The following KANSL1L variants were observed in gnomAD, a reference collection of about 807,000 sequenced individuals.
KANSL1L encodes KAT8 regulatory NSL complex subunit 1 like, also known as KAT8 regulatory NSL complex subunit 1-like protein.
Under a neutral mutation model 108.6 loss-of-function variants are expected in KANSL1L, and 25 were observed. The observed-to-expected ratio is 0.23, with a 90% confidence interval of 0.17 to 0.32. KANSL1L has a LOEUF of 0.32. KANSL1L is among the 10% of genes least tolerant of loss of function. The probability of loss-of-function intolerance (pLI) is 1.00; values close to 1 mark genes in which losing one functional copy is unlikely to be tolerated. For synonymous variants in KANSL1L, 405 were observed against 395.1 expected, an observed-to-expected ratio of 1.03 and a Z score of -0.30; for missense variants, 1,137 against 1,125.7, an observed-to-expected ratio of 1.01 and a Z score of -0.14.
chr2:210,153,869 A>T lies in KANSL1L; in HGVS notation c.714T>A (p.Ala238=). 6.2e-7 allele frequency: 1 copy of T among 1,612,950 alleles called. No individual in the cohort carries two copies. Among genetic ancestry groups the T allele is most frequent in the East Asian group, 2.2e-5 (1 of 44,882 alleles). ...TCTGCAAATGTTTCTGAGTTCTTCT[A>T]GCCTGGCTAAGTAAAATTTTCTGTT... ...VSKQKILLSQ[A]RRTQKHLQML... is the part of the protein sequence containing the mutation. Residue 238 remains alanine, a synonymous_variant, in exon 2 of 15, where the codon GCT becomes GCA. Coordinates refer to ENST00000281772, the MANE Select transcript of KANSL1L (RefSeq NM_152519.4).
intron 8 of KANSL1L, among the ~76,000 whole-genome samples, chr2:210,039,059 T>TATCA (rs2094137671): frequency 6.6e-6 from 1 of 151,934 alleles, no homozygotes; most frequent in African/African-American, 2.4e-5. Context: ...ATCTGCCTTC[T>TATCA]ATCAGAACCA....
rs989535781 is a variant in KANSL1L, at chr2:210,028,499, C to A, written c.2396+346G>T. 6.9e-5 allele frequency: 11 copies of A among 158,296 alleles called. No homozygotes were observed. The East Asian group carries it at 1.7e-3, about 24-fold the overall frequency. The allele number at this position is 158,296 out of a possible 1,614,324, so 9.8% of individuals were successfully genotyped here. On this transcript the variant is annotated intron_variant, in intron 11 of 14. Transcript: ENST00000281772. Reference sequence around the variant, plus strand: ...GAACTCTTTGCAACTTATGTCACACCTGTATCTTCAAGGGCAAGGATTATT... The same window carrying A: ...GAACTCTTTGCAACTTATGTCACACATGTATCTTCAAGGGCAAGGATTATT...
chr2:210,150,509 G>A (rs2095295123), intron 2 of KANSL1L, among the ~76,000 whole-genome samples: 1 of 152,112 alleles, frequency 6.6e-6, no homozygotes, highest in Admixed American at 6.5e-5. Context: ...TTGGCTGGGT[G>A]CGGTGGCTCA....
In KANSL1L at chr2:210,153,549, T is replaced by C. The variant is rs1404993466; in HGVS notation, c.1034A>G (p.Asp345Gly). 1 of 1,614,016 alleles carries C rather than the reference T, an allele frequency of 6.2e-7. No homozygotes were observed. The highest frequency in any genetic ancestry group is 8.5e-7 in the Non-Finnish European group (1 of 1,180,028). ...ATCCAAATCGTCATCAGAGCTGCTA[T>C]CAGTTGCATCGGAATCCAAACCCTC... ...VEEGLDSDAT[D>G]SSSDDDLDEY... The change falls in exon 2 of 15, where the codon GAT (aspartate) becomes GGT (glycine). Residue 345 changes from aspartate to glycine, a missense_variant. This residue lies in a region of KANSL1L where 556 missense variants were observed against 537.7 expected (regional missense o/e 1.03). Transcript: ENST00000281772.
intron 6 of KANSL1L, among the ~76,000 whole-genome samples, chr2:210,046,798 G>A (rs908746590): frequency 5.3e-5 from 8 of 152,178 alleles, no homozygotes; most frequent in African/African-American, 1.9e-4. Context: ...CATAGCCTAA[G>A]CCATGGCTCC....
chr2:210,079,700 G>GTGTATA (rs1270568741), intron 5 of KANSL1L: 1 of 75,774 alleles, frequency 1.3e-5, no homozygotes, highest in African/African-American at 6.6e-5. Context: ...ATGTATGTGT[G>GTGTATA]TATATATATA....
intron 2 of KANSL1L, among the ~76,000 whole-genome samples, chr2:210,139,248 T>C (rs1161763629): frequency 6.6e-6 from 1 of 152,202 alleles, no homozygotes; most frequent in Non-Finnish European, 1.5e-5. Flanking sequence ...GCTGACCATC[T>C]CCAGAACTTA....
chr2:210,170,527 C>T, intron 1 of KANSL1L: 1 of 242,890 alleles, frequency 4.1e-6, no homozygotes, highest in Non-Finnish European at 6.6e-6. Context: ...CTTTTTCCAG[C>T]AAGACCGGTC....
At chr2:210,141,188 C>G (rs1443862066) in intron 2 of KANSL1L, among the ~76,000 whole-genome samples, 1 of 148,976 alleles carries the variant, frequency 6.7e-6, no homozygotes, top group Non-Finnish European at 1.5e-5. Context: ...CTTTCTCTCC[C>G]TTTCTCTTTT....
rs375208667 is a variant in KANSL1L at position 210,131,740 on chromosome 2, T to C, written c.1089-2568A>G. ...TTTTTTTTTTAGTTTTGCTGTGTCG[T>C]CCAGGCTGGAGTGCAGCGGTGCGAT... On this transcript the variant is annotated intron_variant, in intron 2 of 14. Transcript: ENST00000281772. 6.6e-5 allele frequency among the ~76,000 whole-genome samples: 10 copies of C among 151,522 alleles called. No homozygotes were observed. The East Asian group carries it at 1.7e-3, about 26-fold the overall frequency.
At chr2:210,079,458 TG>T (rs2094565611) in intron 5 of KANSL1L, among the ~76,000 whole-genome samples, 1 of 150,518 alleles carries the variant, frequency 6.6e-6, no homozygotes, top group South Asian at 2.1e-4. Flanking sequence ...TAGCTGGCCC[TG>T]GTGGCCCATA....
At chr2:210,085,601 G>A (rs2094629893) in intron 5 of KANSL1L, among the ~76,000 whole-genome samples, 1 of 151,922 alleles carries the variant, frequency 6.6e-6, no homozygotes, top group African/African-American at 2.4e-5. Flanking sequence ...TTGAATAAAA[G>A]CTGAAATATT....
At chr2:210,104,391 C>T (rs1434921431) in intron 3 of KANSL1L, 90 bp from the exon 4 acceptor site, 37 of 863,660 alleles carry the variant, frequency 4.3e-5, no homozygotes, top group Non-Finnish European at 6.5e-5. Context: ...TCTATGCTTC[C>T]ACTTATCTCT....
At chr2:210,086,491 T>TAA (rs57685611) in intron 5 of KANSL1L, among the ~76,000 whole-genome samples, 73,199 of 140,872 alleles carry the variant, frequency 0.52, 21,040 homozygotes, top group Non-Finnish European at 0.65. Flanking sequence ...TTAATAAAGC[T>TAA]AAAAAAAAAA....
intron 12 of KANSL1L, among the ~76,000 whole-genome samples, chr2:210,026,661 G>A (rs2093941262): frequency 1.3e-5 from 2 of 152,196 alleles, no homozygotes; most frequent in African/African-American, 2.4e-5. Context: ...CTTAAATAAT[G>A]AGTGAGACTA....
At chr2:210,059,095 G>A (rs1382315201) in intron 6 of KANSL1L, among the ~76,000 whole-genome samples, 1 of 146,872 alleles carries the variant, frequency 6.8e-6, no homozygotes, top group African/African-American at 2.5e-5. Flanking sequence ...CTGAGACCAC[G>A]TCACTGCACT....
At chr2:210,067,291 CTT>C (rs2094473133) in intron 6 of KANSL1L, among the ~76,000 whole-genome samples, 1 of 152,172 alleles carries the variant, frequency 6.6e-6, no homozygotes, top group Non-Finnish European at 1.5e-5. Flanking sequence ...TAAATCTTCT[CTT>C]ATATATCTAT....
chr2:210,154,659 A>G, intron 1 of KANSL1L, 48 bp from the exon 2 acceptor site: 1 of 1,225,038 alleles, frequency 8.2e-7, no homozygotes, highest in Non-Finnish European at 1.1e-6. Context: ...AAAAAATTTT[A>G]TGCTTATACT....
intron 6 of KANSL1L, among the ~76,000 whole-genome samples, chr2:210,074,831 T>C (rs1242692517): frequency 6.6e-6 from 1 of 152,220 alleles, no homozygotes; most frequent in Non-Finnish European, 1.5e-5. Flanking sequence ...GTAGTATCAA[T>C]AATTTCTTTC....
Sources: gnomAD v4.1 joint callset for allele counts (sites outside exome capture counted in the v4.1 genomes callset) on GRCh38, gnomAD v4.1.1 for gene constraint, gnomAD v4.1.1 regional missense constraint, MANE v1.5 for transcripts, NCBI Gene and HGNC (gene_info 2026-07-23, HGNC 2026-07-21) for gene names.